GFM1: variants seen among roughly 807,000 people sequenced by gnomAD.
The protein encoded by GFM1 is G elongation factor mitochondrial 1, also known as elongation factor G, mitochondrial.
Under a neutral mutation model 96.2 loss-of-function variants are expected in GFM1, and 62 were observed. The ratio of observed to expected loss-of-function variants is 0.64; its 90% CI spans 0.53 to 0.80. The LOEUF (loss-of-function observed/expected upper bound fraction) is 0.80, where lower values mean the gene tolerates loss of function less well. Ranked by LOEUF, GFM1 falls within the 30% of genes least tolerant of loss-of-function variation. The pLI is 0.00. For missense variants in GFM1, 852 were observed against 916.6 expected (o/e 0.93, Z 0.91); for synonymous variants, 282 against 312.9 (o/e 0.90, Z 1.04).
intron 8 of GFM1, among the ~76,000 whole-genome samples, chr3:158,658,018 T>C (rs1242786984): frequency 6.6e-6 from 1 of 152,166 alleles, no homozygotes; most frequent in African/African-American, 2.4e-5. Flanking sequence ...AATTTTAAAA[T>C]CACTAATCAT....
At chr3:158,669,327 C>G (rs1724035767) in intron 13 of GFM1, 2 of 1,277,130 alleles carry the variant, frequency 1.6e-6, no homozygotes, top group Non-Finnish European at 2.1e-6. Context: ...TTGCAAAAGC[C>G]TGTAAGTTTC....
At chr3:158,668,199 C>T (rs530763141) in intron 13 of GFM1, among the ~76,000 whole-genome samples, 14 of 152,282 alleles carry the variant, frequency 9.2e-5, no homozygotes, top group African/African-American at 3.4e-4. Flanking sequence ...AAGTCTCTGA[C>T]ATAAAACAGT....
chr3:158,659,193 G>C (rs1336310583), intron 9 of GFM1, 134 bp downstream of exon 9: 1 of 1,022,160 alleles, frequency 9.8e-7, no homozygotes, highest in Non-Finnish European at 1.4e-6. Flanking sequence ...ACTTAAATGT[G>C]TTGTAGCTCT....
At chr3:158,653,573 T>C (rs1722479949) in intron 7 of GFM1, 106 bp downstream of exon 7, 1 of 875,744 alleles carries the variant, frequency 1.1e-6, no homozygotes, top group South Asian at 1.5e-5. Context: ...TGATTTTTTT[T>C]CATAATTTAC....
chr3:158,663,138 C>T (rs1723323957), intron 11 of GFM1, among the ~76,000 whole-genome samples: 1 of 152,132 alleles, frequency 6.6e-6, no homozygotes, highest in Non-Finnish European at 1.5e-5. Flanking sequence ...CATGGAAAGC[C>T]TGTAAATAAG....
chr3:158,681,903 AAAT>A, intron 13 of GFM1, 89 bp from the exon 14 acceptor site: 2 of 1,082,380 alleles, frequency 1.8e-6, no homozygotes, highest in South Asian at 1.4e-5. Context: ...GAAAAAGTAA[AAAT>A]AATCAAATGT....
chr3:158,654,512 T>TA (rs1266107685), intron 7 of GFM1, 35 bp from the exon 8 acceptor site: 1 of 1,230,268 alleles, frequency 8.1e-7, no homozygotes, highest in African/African-American at 1.5e-5. Flanking sequence ...TATCATATAT[T>TA]ACATCTCATA....
At chr3:158,659,282 A>G (rs1723007950) in intron 9 of GFM1, among the ~76,000 whole-genome samples, 1 of 152,100 alleles carries the variant, frequency 6.6e-6, no homozygotes, top group South Asian at 2.1e-4. Context: ...AATTAGCTAT[A>G]TTTTCTCAAG....
chr3:158,677,839 CT>C (rs1158129704), intron 13 of GFM1, among the ~76,000 whole-genome samples: 2 of 152,226 alleles, frequency 1.3e-5, no homozygotes, highest in Non-Finnish European at 2.9e-5. Flanking sequence ...AAACATCCTT[CT>C]TTTGGAAGAA....
At chr3:158,646,069 C>A in intron 2 of GFM1, 96 bp from the exon 3 acceptor site, 1 of 1,447,654 alleles carries the variant, frequency 6.9e-7, no homozygotes, top group South Asian at 1.2e-5. Context: ...AGGCATGAGC[C>A]ACTGCACCTG....
chr3:158,652,272 TG>T, intron 6 of GFM1, 26 bp downstream of exon 6: 2 of 1,609,396 alleles, frequency 1.2e-6, no homozygotes, highest in South Asian at 2.2e-5. Flanking sequence ...ATAAGTCTTA[TG>T]TTAACAACAA....
intron 11 of GFM1, 77 bp downstream of exon 11, chr3:158,662,761 G>T (rs1411820740): frequency 8.1e-6 from 7 of 863,416 alleles, no homozygotes; most frequent in South Asian, 1.3e-5. Context: ...CAATGCACTT[G>T]ATATCTTGTA....
At chr3:158,646,086 G>A (rs781780453) in intron 2 of GFM1, 79 bp from the exon 3 acceptor site, 1 of 1,566,374 alleles carries the variant, frequency 6.4e-7, no homozygotes, top group Non-Finnish European at 8.8e-7. Flanking sequence ...CCTGGCAACT[G>A]TTTCCATTTC....
chr3:158,646,632 A>C lies in GFM1; in HGVS notation c.368-111A>C, dbSNP rs113104689. On this transcript the variant is annotated intron_variant, in intron 3 of 17. Coordinates refer to ENST00000486715, the MANE Select transcript of GFM1 (RefSeq NM_024996.7). ...AGTATTGGTGAGCTCAGGAATCTAC[A>C]TTCTTATTAGAAGACTTATGTGATG... 1.5e-4 allele frequency: 145 copies of C among 980,060 alleles called. 1 individual carries two copies. In the Middle Eastern group the frequency reaches 1.5e-3, roughly 10 times the overall value. 60.7% of individuals were successfully genotyped at this position (980,060 alleles called of 1,614,324 possible).
chr3:158,657,021 T>G (rs1463120718), intron 8 of GFM1: 2 of 152,176 alleles, frequency 1.3e-5, no homozygotes, highest in African/African-American at 4.8e-5. Flanking sequence ...AACCAAGATT[T>G]GGGGACTGGA....
chr3:158,679,757 C>A (rs1483761772), intron 13 of GFM1, among the ~76,000 whole-genome samples: 1 of 152,112 alleles, frequency 6.6e-6, no homozygotes, highest in East Asian at 1.9e-4. Context: ...TGAGTACATT[C>A]TGATAACTCA....
chr3:158,662,670 A>C lies in GFM1; in HGVS notation c.1366A>C (p.Lys456Gln). ...VPDPVISIAM[K>Q]PSNKNDLEKF... The stretch of plus-strand genomic sequence containing the variant: ...TGATCCTGTCATTTCAATAGCAATG[A>C]AGCCTTCTAACAAGGTAGGAGTTTG... Residue 456 changes from lysine (K) to glutamine (Q), a missense_variant, in exon 11 of 18, where the codon AAG (lysine) becomes CAG (glutamine). Physicochemically the swap from Lys to Gln is moderately conservative, Grantham distance 53. Transcript: ENST00000486715. The C allele has an allele frequency of 1.3e-6, 2 of 1,593,838 alleles. No individual in the cohort carries two copies. Among genetic ancestry groups the C allele is most frequent in the Non-Finnish European group, 1.7e-6 (2 of 1,161,952 alleles).
intron 15 of GFM1, among the ~76,000 whole-genome samples, chr3:158,686,164 A>T (rs1725815056): frequency 6.7e-6 from 1 of 148,734 alleles, no homozygotes; most frequent in Admixed American, 6.8e-5. Flanking sequence ...TATGTTATAT[A>T]TTATATGTGT....
intron 8 of GFM1, chr3:158,657,372 T>G (rs1323097992): frequency 6.6e-6 from 1 of 152,186 alleles, no homozygotes; most frequent in Non-Finnish European, 1.5e-5. Flanking sequence ...ATTGCCAGAT[T>G]GCGTTCATAC....
Sources: gnomAD v4.1 joint callset for allele counts (sites outside exome capture counted in the v4.1 genomes callset) on GRCh38, gnomAD v4.1.1 for gene constraint, MANE v1.5 for transcripts, NCBI Gene and HGNC (gene_info 2026-07-23, HGNC 2026-07-21) for gene names.